ARHGAP20: variants seen among roughly 807,000 people sequenced by gnomAD.
The protein encoded by ARHGAP20 is Rho GTPase activating protein 20.
A neutral mutation model predicts 73.7 loss-of-function variants in ARHGAP20; 34 were observed. The ratio of observed to expected loss-of-function variants is 0.46; its 90% CI spans 0.35 to 0.61. ARHGAP20 has a LOEUF of 0.61. Among genes scored for constraint, ARHGAP20 ranks in the 20% least tolerant of loss-of-function variants. The pLI is 0.00. For missense variants in ARHGAP20, 1,314 were observed against 1,420.9 expected, an observed-to-expected ratio of 0.92 and a Z score of 1.21; for synonymous variants, 523 against 518.2, an observed-to-expected ratio of 1.01 and a Z score of -0.13.
At chr11:110,594,246 T>A (rs1023561852) in intron 9 of ARHGAP20, among the ~76,000 whole-genome samples, 2 of 152,194 alleles carry the variant, frequency 1.3e-5, no homozygotes, top group Non-Finnish European at 2.9e-5. Context: ...GCATCATCAA[T>A]GTACACACAC....
Position 110,614,578 on chromosome 11 carries a change from T to C in ARHGAP20, c.613A>G (p.Ile205Val), listed in dbSNP as rs761391519. 3.1e-6 allele frequency: 5 copies of C among 1,613,306 alleles called. No homozygotes were observed. The Admixed American group carries it at 5.0e-5, about 16-fold the overall frequency. The change falls in exon 6 of 15, where the codon ATT becomes GTT. Residue 205 changes from isoleucine (I) to valine (V), a missense_variant. Transcript: ENST00000683387. ...SIPLKIFAKDIGNCAYSKTIT... is the reference protein window; with the variant it reads ...SIPLKIFAKDVGNCAYSKTIT... ...ACACTTACGTAGGCACAATTCCCAA[T>C]GTCCTTGGCGAAGATTTTGAGGGGA...
intron 1 of ARHGAP20, among the ~76,000 whole-genome samples, chr11:110,708,524 T>C (rs1468548375): frequency 6.6e-6 from 1 of 152,172 alleles, no homozygotes; most frequent in East Asian, 1.9e-4. Flanking sequence ...AATTGTAGTC[T>C]AGTCACATGA....
chr11:110,591,276 G>C (rs1268602708), intron 10 of ARHGAP20, among the ~76,000 whole-genome samples: 2 of 152,304 alleles, frequency 1.3e-5, no homozygotes, highest in East Asian at 3.9e-4. Context: ...GTGTAACATT[G>C]AGTGCAGTAC....
chr11:110,584,707 G>A (rs138045932), intron 12 of ARHGAP20, among the ~76,000 whole-genome samples: 1 of 152,090 alleles, frequency 6.6e-6, no homozygotes, highest in Admixed American at 6.5e-5. Flanking sequence ...ATAACTAACT[G>A]ATAGCAGTGC....
chr11:110,637,525 C>T lies in ARHGAP20; in HGVS notation c.189-6733G>A, dbSNP rs326956. 3.5e-4 allele frequency among the ~76,000 whole-genome samples: 54 copies of T among 152,122 alleles called. 1 individual carries two copies. Among genetic ancestry groups the T allele is most frequent in the Admixed American group, 2.9e-3 (44 of 15,246 alleles). On this transcript the variant is annotated intron_variant, in intron 2 of 14. Coordinates refer to ENST00000683387, the MANE Select transcript of ARHGAP20 (RefSeq NM_001384657.1). ...AGCACCTATGTTCTGCTTTATATAT[C>T]GTAAATATTCTCATTCAACATTTAT...
At chr11:110,651,758 A>AT (rs1005213076) in intron 2 of ARHGAP20, among the ~76,000 whole-genome samples, 40 of 151,802 alleles carry the variant, frequency 2.6e-4, no homozygotes, top group African/African-American at 8.2e-4. Flanking sequence ...AAAAAAAAAA[A>AT]AAATAAAACC....
At chr11:110,632,479 A>G (rs993709148) in intron 2 of ARHGAP20, among the ~76,000 whole-genome samples, 2 of 152,122 alleles carry the variant, frequency 1.3e-5, no homozygotes, top group African/African-American at 4.8e-5. Context: ...ATCTTGGGTC[A>G]CTGAAACCTC....
intron 6 of ARHGAP20, among the ~76,000 whole-genome samples, chr11:110,612,580 G>A (rs1328216860): frequency 6.6e-6 from 1 of 152,110 alleles, no homozygotes; most frequent in East Asian, 1.9e-4. Context: ...TTTTACACAT[G>A]AGAATTATAA....
chr11:110,693,434 A>G (rs1466928675), intron 1 of ARHGAP20, among the ~76,000 whole-genome samples: 1 of 151,980 alleles, frequency 6.6e-6, no homozygotes. Context: ...ATAGTCCCAC[A>G]TTAAGTGTCC....
intron 2 of ARHGAP20, among the ~76,000 whole-genome samples, chr11:110,645,145 G>T (rs1949161919): frequency 6.6e-6 from 1 of 152,008 alleles, no homozygotes; most frequent in African/African-American, 2.4e-5. Flanking sequence ...GGGTAGCTGG[G>T]ATTACAGGCA....
intron 4 of ARHGAP20, among the ~76,000 whole-genome samples, chr11:110,619,297 T>G (rs1315220762): frequency 1.5e-5 from 2 of 130,058 alleles, no homozygotes; most frequent in Non-Finnish European, 3.3e-5. Flanking sequence ...GTATATGCAG[T>G]GATAGCATAT....
chr11:110,577,478 A>G lies in ARHGAP20; in HGVS notation c.*1892T>C. ...TTTTTTACCTGCTAACATGAAAAAA[A>G]AAAAAAAGGCAATTTCTTCCAGAAA... On this transcript the variant is annotated 3_prime_UTR_variant, in exon 15 of 15. Coordinates refer to ENST00000683387, the MANE Select transcript of ARHGAP20 (RefSeq NM_001384657.1). The G allele has an allele frequency of 9.7e-7, 1 of 1,029,268 alleles. No individual in the cohort carries two copies. 63.8% of individuals were successfully genotyped at this position (1,029,268 alleles called of 1,614,324 possible).
intron 2 of ARHGAP20, among the ~76,000 whole-genome samples, chr11:110,652,482 ACCT>A (rs1242911719): frequency 6.6e-6 from 1 of 152,040 alleles, no homozygotes; most frequent in Non-Finnish European, 1.5e-5. Context: ...GTATCTGAAA[ACCT>A]CCTTCGTCTC....
At chr11:110,646,213 C>T (rs1030613069) in intron 2 of ARHGAP20, among the ~76,000 whole-genome samples, 2 of 152,166 alleles carry the variant, frequency 1.3e-5, no homozygotes, top group African/African-American at 4.8e-5. Flanking sequence ...AGGCAGTATA[C>T]TCTAGGCAGT....
chr11:110,713,046 C>T, upstream of ARHGAP20: 1 of 152,452 alleles, frequency 6.6e-6, no homozygotes, highest in Non-Finnish European at 1.5e-5. Flanking sequence ...CCGGTCATGT[C>T]AGCGGCCCCT....
Position 110,621,074 on chromosome 11 carries a change from C to CAAAA in ARHGAP20, c.503+3084_503+3087dup, listed in dbSNP as rs34424855. Among the ~76,000 whole-genome samples, 56 of 46,586 alleles carry CAAAA rather than the reference C, an allele frequency of 1.2e-3. 2 individuals carry two copies. The highest frequency in any genetic ancestry group is 1.4e-3 in the Non-Finnish European group (37 of 27,250). The allele number at this position is 46,586 out of a possible 152,430, so 30.6% of individuals were successfully genotyped here. Reference sequence around the variant, plus strand: ...GGGCAACAAGAGTAAAACTCCATCTCAAAAAAAAAAAAAAAAAAAAAAAGC... The same window carrying CAAAA: ...GGGCAACAAGAGTAAAACTCCATCTCAAAAAAAAAAAAAAAAAAAAAAAAAAAGC... On this transcript the variant is annotated intron_variant, in intron 4 of 14. Transcript: ENST00000683387.
chr11:110,577,125 A>AAAC lies in ARHGAP20; in HGVS notation c.*2242_*2244dup, dbSNP rs1364417048. The AAAC allele has an allele frequency of 6.5e-7, 1 of 1,534,800 alleles. No homozygotes were observed. The highest frequency in any genetic ancestry group is 2.5e-5 in the East Asian group (1 of 40,784). The stretch of plus-strand genomic sequence containing the variant: ...ATCCATTATCAGTGCCTTGAAAACC[A>AAAC]AACAACTTTAAAAGTTAGCAGCAGT... On this transcript the variant is annotated 3_prime_UTR_variant, in exon 15 of 15. Coordinates refer to ENST00000683387, the MANE Select transcript of ARHGAP20 (RefSeq NM_001384657.1).
chr11:110,649,791 AT>A (rs1252703788), intron 2 of ARHGAP20, among the ~76,000 whole-genome samples: 1 of 152,166 alleles, frequency 6.6e-6, no homozygotes. Flanking sequence ...TAGATTTTGG[AT>A]TAGGCATAAA....
In ARHGAP20 at chr11:110,662,483, CA is replaced by C. The variant is rs778999217; in HGVS notation, c.188+28063del. 3.3e-5 allele frequency among the ~76,000 whole-genome samples: 5 copies of C among 151,724 alleles called. No homozygotes were observed. In the South Asian group the frequency reaches 1.0e-3, roughly 31 times the overall value. On this transcript the variant is annotated intron_variant, in intron 2 of 14. Coordinates refer to ENST00000683387, the MANE Select transcript of ARHGAP20 (RefSeq NM_001384657.1). The stretch of plus-strand genomic sequence containing the variant: ...TAGGATATACCGTAAAGATAGTTGC[CA>C]AAACAAATCTTAAACAATTTCCAGG...
Sources: gnomAD v4.1 joint callset for allele counts (sites outside exome capture counted in the v4.1 genomes callset) on GRCh38, gnomAD v4.1.1 for gene constraint, MANE v1.5 for transcripts, NCBI Gene and HGNC (gene_info 2026-07-23, HGNC 2026-07-21) for gene names.